The following ANO6 variants were observed in gnomAD, a reference collection of about 807,000 sequenced individuals.
The protein encoded by ANO6 is anoctamin 6, also known as anoctamin-6.
Under a neutral mutation model 117.5 loss-of-function variants are expected in ANO6, and 106 were observed. That is an observed-to-expected ratio of 0.90 (90% CI 0.77 to 1.06). The LOEUF is 1.06. Among genes scored for constraint, ANO6 ranks in the 50% least tolerant of loss-of-function variants. ANO6 has a pLI of 0.00. For synonymous variants in ANO6, 367 were observed against 385.1 expected (o/e 0.95, Z 0.55); for missense variants, 955 against 1,121.1 (o/e 0.85, Z 2.12).
In ANO6 at chr12:45,424,357, A is replaced by ATTG. The variant is rs1555181084; in HGVS notation, c.2526+1295_2526+1296insTTG. Among the ~76,000 whole-genome samples the ATTG allele has an allele frequency of 1.4e-4, 17 of 118,658 alleles. 2 individuals carry two copies. The highest frequency in any genetic ancestry group is 2.0e-4 in the Non-Finnish European group (12 of 59,336). The allele number at this position is 118,658 out of a possible 152,430, so 77.8% of individuals were successfully genotyped here. ...TTTTTTTTTTTTTTTTTTTTTTTTA[A>ATTG]AGACAGAGTCTCACTCTGTTGCCCA... is the stretch of plus-strand genomic sequence containing the variant. On this transcript the variant is annotated intron_variant, in intron 19 of 19. Coordinates refer to ENST00000320560, the MANE Select transcript of ANO6 (RefSeq NM_001025356.3).
chr12:45,330,619 A>G (rs541422027), intron 2 of ANO6, among the ~76,000 whole-genome samples: 9 of 152,214 alleles, frequency 5.9e-5, no homozygotes, highest in East Asian at 1.9e-4. Flanking sequence ...CTTTTAAACC[A>G]TAAGGATTTT....
At chr12:45,263,944 A>G (rs1438075976) in intron 1 of ANO6, among the ~76,000 whole-genome samples, 1 of 152,210 alleles carries the variant, frequency 6.6e-6, no homozygotes, top group African/African-American at 2.4e-5. Flanking sequence ...GTATCTGTTC[A>G]TCGTCTAAAC....
intron 11 of ANO6, 128 bp from the exon 12 acceptor site, chr12:45,390,293 A>G: frequency 1.3e-6 from 1 of 785,270 alleles, no homozygotes. Context: ...TGCAATTATG[A>G]GTAAGGAGAC....
rs371092726 is a variant in ANO6 at position 45,401,881 on chromosome 12, C to T, written c.1473C>T (p.Asn491=). ...FIVFSAKLPK[N]INGTDPIQKY... ...TATTTTCTGCAAAACTTCCCAAGAA[C>T]ATTAATGGAACAGACCCAATCCAGA... Residue 491 remains asparagine, a synonymous_variant, in exon 13 of 20, where the codon AAC becomes AAT. Coordinates refer to ENST00000320560, the MANE Select transcript of ANO6 (RefSeq NM_001025356.3). 6.4e-5 allele frequency: 103 copies of T among 1,613,928 alleles called. No individual in the cohort carries two copies. The highest frequency in any genetic ancestry group is 8.6e-5 in the Non-Finnish European group (102 of 1,179,998).
intron 9 of ANO6, among the ~76,000 whole-genome samples, chr12:45,371,006 C>T (rs1003809603): frequency 6.6e-5 from 10 of 152,216 alleles, no homozygotes; most frequent in Non-Finnish European, 1.5e-4. Flanking sequence ...GGTGCACGCA[C>T]CGTGCGCGAG....
At chr12:45,304,399 C>T (rs1268528672) in intron 2 of ANO6, among the ~76,000 whole-genome samples, 1 of 152,172 alleles carries the variant, frequency 6.6e-6, no homozygotes, top group African/African-American at 2.4e-5. Flanking sequence ...AAATGAGTGT[C>T]ACAGTACAAA....
chr12:45,403,618 C>A, intron 15 of ANO6, 82 bp downstream of exon 15: 1 of 874,920 alleles, frequency 1.1e-6, no homozygotes, highest in Non-Finnish European at 1.7e-6. Context: ...CCTACATAGC[C>A]ACATAGCCAC....
chr12:45,377,942 A>G (rs1942072434), intron 9 of ANO6, 111 bp from the exon 10 acceptor site: 2 of 988,876 alleles, frequency 2.0e-6, no homozygotes, highest in Non-Finnish European at 3.2e-6. Context: ...TAAACTAGGC[A>G]TCACCTTTGA....
At chr12:45,346,636 C>A (rs1370161495) in intron 3 of ANO6, among the ~76,000 whole-genome samples, 1 of 152,030 alleles carries the variant, frequency 6.6e-6, no homozygotes, top group Non-Finnish European at 1.5e-5. Context: ...GAATCTTCAA[C>A]TCTGAAAACT....
chr12:45,236,081 A>C (rs998868209), intron 1 of ANO6, among the ~76,000 whole-genome samples: 3 of 152,234 alleles, frequency 2.0e-5, no homozygotes, highest in African/African-American at 7.2e-5. Flanking sequence ...CATAGGCAAA[A>C]TAGCCCCAAT....
intron 3 of ANO6, among the ~76,000 whole-genome samples, chr12:45,345,822 A>T (rs1237975295): frequency 6.6e-6 from 1 of 152,154 alleles, no homozygotes; most frequent in Non-Finnish European, 1.5e-5. Flanking sequence ...CTGCTGTAAC[A>T]GAATTCCACA....
At chr12:45,240,775 G>C (rs1052685107) in intron 1 of ANO6, among the ~76,000 whole-genome samples, 4 of 152,090 alleles carry the variant, frequency 2.6e-5, no homozygotes, top group African/African-American at 9.7e-5. Context: ...GCATTTGCTT[G>C]TCTGTAAAGG....
intron 12 of ANO6, among the ~76,000 whole-genome samples, chr12:45,400,270 A>G (rs1165636388): frequency 2.6e-5 from 4 of 152,374 alleles, no homozygotes; most frequent in Non-Finnish European, 4.4e-5. Context: ...TATCATTAAT[A>G]ATAAACATTA....
At chr12:45,265,201 A>C (rs1464809325) in intron 1 of ANO6, among the ~76,000 whole-genome samples, 1 of 152,162 alleles carries the variant, frequency 6.6e-6, no homozygotes, top group Non-Finnish European at 1.5e-5. Flanking sequence ...AAGCAACGTA[A>C]AGTTGATTTT....
At position 45,216,121 on chromosome 12, in the gene ANO6, A is replaced by G. The variant is rs1414384335; in HGVS notation, c.-201A>G. 5.1e-6 allele frequency: 3 copies of G among 590,876 alleles called. No individual in the cohort carries two copies. The highest frequency in any genetic ancestry group is 3.0e-5 in the Admixed American group (1 of 33,180). The allele number at this position is 590,876 out of a possible 1,614,324, so 36.6% of individuals were successfully genotyped here. ...GTCTCCGGGCTCCGCTCGGCAGGCG[A>G]GAGGCGTCCTCCGGCTCTGGGCTCC... On this transcript the variant is annotated 5_prime_UTR_variant, in exon 1 of 20. Coordinates refer to ENST00000320560, the MANE Select transcript of ANO6 (RefSeq NM_001025356.3).
intron 1 of ANO6, among the ~76,000 whole-genome samples, chr12:45,280,035 T>G (rs1366890100): frequency 3.9e-5 from 6 of 152,218 alleles, no homozygotes; most frequent in Admixed American, 2.0e-4. Context: ...CACACTTGGA[T>G]TCATGTTCTC....
intron 3 of ANO6, among the ~76,000 whole-genome samples, chr12:45,336,391 G>T (rs1462965405): frequency 1.3e-5 from 2 of 150,358 alleles, no homozygotes; most frequent in East Asian, 3.9e-4. Flanking sequence ...ATAGTTATTA[G>T]CACCCTACTT....
chr12:45,382,136 G>A (rs971304951), intron 10 of ANO6, among the ~76,000 whole-genome samples: 1 of 152,150 alleles, frequency 6.6e-6, no homozygotes. Context: ...GTTGCAGCAA[G>A]CTTTGAGAAA....
At chr12:45,299,847 A>G (rs1241395885) in intron 1 of ANO6, among the ~76,000 whole-genome samples, 1 of 152,094 alleles carries the variant, frequency 6.6e-6, no homozygotes, top group East Asian at 1.9e-4. Context: ...GGAAGACTCC[A>G]TCTCAAAAAA....
Sources: allele counts gnomAD v4.1 joint callset (sites outside exome capture counted in the v4.1 genomes callset), GRCh38; gene constraint gnomAD v4.1.1; transcripts MANE v1.5; gene names NCBI Gene and HGNC (gene_info 2026-07-23, HGNC 2026-07-21).